PCSK5: variants seen among roughly 807,000 people sequenced by gnomAD.
The protein encoded by PCSK5 is proprotein convertase subtilisin/kexin type 5.
A neutral mutation model predicts 233.2 loss-of-function variants in PCSK5; 129 were observed. That is an observed-to-expected ratio of 0.55 (90% CI 0.48 to 0.64). PCSK5 has a LOEUF of 0.64. Among genes scored for constraint, PCSK5 ranks in the 30% least tolerant of loss-of-function variants. PCSK5 has a pLI of 0.00. For synonymous variants in PCSK5, 825 were observed against 879.2 expected (o/e 0.94, Z 1.09); for missense variants, 2,076 against 2,430.1 (o/e 0.85, Z 3.06).
At chr9:76,328,877 C>T (rs1004927412) in intron 33 of PCSK5, among the ~76,000 whole-genome samples, 2 of 151,460 alleles carry the variant, frequency 1.3e-5, no homozygotes, top group East Asian at 1.9e-4. Context: ...GGTATGATCT[C>T]GGCTCACTGC....
intron 24 of PCSK5, among the ~76,000 whole-genome samples, chr9:76,255,112 C>A (rs970947693): frequency 6.6e-6 from 1 of 151,998 alleles, no homozygotes; most frequent in Non-Finnish European, 1.5e-5. Flanking sequence ...CATGGTGAAA[C>A]CCCATCTCTA....
intron 10 of PCSK5, among the ~76,000 whole-genome samples, chr9:76,142,963 A>C (rs1193799109): frequency 6.6e-6 from 1 of 152,198 alleles, no homozygotes; most frequent in Non-Finnish European, 1.5e-5. Context: ...CTTGGATTTC[A>C]ATAAACAATA....
intron 2 of PCSK5, among the ~76,000 whole-genome samples, chr9:75,942,882 C>CTTTTTT (rs35508069): frequency 3.6e-4 from 41 of 112,930 alleles, no homozygotes; most frequent in South Asian, 5.8e-4. Flanking sequence ...TTTTCTTCTT[C>CTTTTTT]TTCTTTTTTT....
chr9:76,205,905 A>G (rs570532189), intron 20 of PCSK5, among the ~76,000 whole-genome samples: 2 of 152,276 alleles, frequency 1.3e-5, no homozygotes, highest in East Asian at 3.9e-4. Flanking sequence ...CAAGTTTGGA[A>G]ATATGCTTGC....
At chr9:76,289,469 C>CCACACACACACA (rs201456283) in intron 24 of PCSK5, among the ~76,000 whole-genome samples, 1 of 129,862 alleles carries the variant, frequency 7.7e-6, no homozygotes, top group African/African-American at 3.1e-5. Flanking sequence ...ATTCCCCTCA[C>CCACACACACACA]CACACACACA....
At chr9:76,008,795 G>A (rs538337315) in intron 3 of PCSK5, among the ~76,000 whole-genome samples, 18 of 152,280 alleles carry the variant, frequency 1.2e-4, no homozygotes, top group African/African-American at 3.9e-4. Context: ...AAAGAAAGAT[G>A]CAGTTAATTA....
Position 76,179,645 on chromosome 9 carries a change from A to G in PCSK5, c.1950A>G (p.Pro650=), listed in dbSNP as rs1362928136. Residue 650 remains proline (P), a synonymous_variant, in exon 15 of 38, where the codon CCA becomes CCG. Transcript: ENST00000674117. ...CSEVGCDGPG[P]DHCNDCLHYY... ...AGGTTGGCTGTGACGGGCCAGGACC[A>G]GACCACTGCAATGACTGTTTGCACT... 1 of 1,613,990 alleles carries G rather than the reference A, an allele frequency of 6.2e-7. No homozygotes were observed. The highest frequency in any genetic ancestry group is 8.5e-7 in the Non-Finnish European group (1 of 1,179,858).
At position 76,358,627 on chromosome 9, in the gene PCSK5, T is replaced by C. The variant is rs748957025; in HGVS notation, c.5369T>C (p.Val1790Ala). Residue 1790 changes from valine to alanine, a missense_variant, in exon 38 of 38, where the codon GTG (valine) becomes GCG (alanine). Around this residue, in one of 6 missense-constraint regions of PCSK5, gnomAD observed 1,510 missense variants for 1,538.1 expected, o/e 0.98. Transcript: ENST00000674117. ...CTTCTGCTCGGGGCAGCTGTGGTAGTGTGGAAGAAATCTCGTGGCCGAGTC... is the reference window on the plus strand; with the variant it reads ...CTTCTGCTCGGGGCAGCTGTGGTAGCGTGGAAGAAATCTCGTGGCCGAGTC... ...LVLLLGAAVV[V>A]WKKSRGRVQP... The C allele has an allele frequency of 1.1e-5, 18 of 1,612,780 alleles. No individual in the cohort carries two copies. In the African/African-American group the frequency reaches 2.1e-4, roughly 19 times the overall value.
chr9:75,901,986 C>A (rs1296593365), intron 1 of PCSK5, among the ~76,000 whole-genome samples: 1 of 151,918 alleles, frequency 6.6e-6, no homozygotes, highest in African/African-American at 2.4e-5. Context: ...GAGGCCAAGG[C>A]GGGCAGATTA....
intron 2 of PCSK5, among the ~76,000 whole-genome samples, chr9:75,948,575 G>A (rs924758135): frequency 6.6e-6 from 1 of 152,016 alleles, no homozygotes; most frequent in African/African-American, 2.4e-5. Context: ...GGACATTTGG[G>A]TTGGTTCCAA....
chr9:75,964,506 A>G (rs1211883229), intron 2 of PCSK5, among the ~76,000 whole-genome samples: 1 of 152,194 alleles, frequency 6.6e-6, no homozygotes, highest in Non-Finnish European at 1.5e-5. Context: ...CACAGTTGAA[A>G]AAAACATGCC....
At chr9:76,069,996 ATTT>A (rs146321207) in intron 6 of PCSK5, among the ~76,000 whole-genome samples, 271 of 122,556 alleles carry the variant, frequency 2.2e-3, no homozygotes, top group African/African-American at 4.3e-3. Context: ...TTCCATTCCA[ATTT>A]TTTTTTTTTT....
chr9:76,323,470 G>A (rs973325425), intron 32 of PCSK5, among the ~76,000 whole-genome samples, 182 bp downstream of exon 32: 12 of 152,024 alleles, frequency 7.9e-5, no homozygotes, highest in African/African-American at 1.9e-4. Context: ...TGAAGCCTCC[G>A]CCTCCTGGGC....
At chr9:76,084,639 G>T (rs1830988541) in intron 7 of PCSK5, among the ~76,000 whole-genome samples, 1 of 152,196 alleles carries the variant, frequency 6.6e-6, no homozygotes, top group Non-Finnish European at 1.5e-5. Context: ...GTTAAGGGAA[G>T]ATTCAAAATC....
intron 12 of PCSK5, among the ~76,000 whole-genome samples, chr9:76,160,217 CT>C (rs1822793677): frequency 1.3e-5 from 2 of 152,172 alleles, no homozygotes; most frequent in Admixed American, 6.5e-5. Flanking sequence ...ATATAAGTAA[CT>C]GTATTTTGTA....
chr9:76,178,505 G>T (rs11144781), intron 14 of PCSK5, among the ~76,000 whole-genome samples: 5,765 of 152,196 alleles, frequency 0.038, 142 homozygotes, highest in African/African-American at 0.066. Flanking sequence ...TAAAATGAGG[G>T]TATTTGACTA....
chr9:76,351,533 G>GAAGGAAAGAAAGA (rs1830157716), intron 36 of PCSK5, among the ~76,000 whole-genome samples: 3 of 15,822 alleles, frequency 1.9e-4, no homozygotes, highest in African/African-American at 3.1e-4. Flanking sequence ...AGAAAGAAAG[G>GAAGGAAAGAAAGA]AAGGAAAGAA....
At chr9:75,994,225 T>C (rs1826896940) in intron 3 of PCSK5, among the ~76,000 whole-genome samples, 1 of 151,968 alleles carries the variant, frequency 6.6e-6, no homozygotes, top group Non-Finnish European at 1.5e-5. Flanking sequence ...TCCTTGACTC[T>C]ACCCTTAAAG....
intron 2 of PCSK5, among the ~76,000 whole-genome samples, chr9:75,984,387 C>T (rs1826410837): frequency 6.6e-6 from 1 of 152,144 alleles, no homozygotes; most frequent in Admixed American, 6.5e-5. Flanking sequence ...TTTATGCACA[C>T]ATATAGGTTG....
Sources: allele counts gnomAD v4.1 joint callset (sites outside exome capture counted in the v4.1 genomes callset), GRCh38; gene constraint gnomAD v4.1.1; regional missense constraint gnomAD v4.1.1; transcripts MANE v1.5; gene names NCBI Gene and HGNC (gene_info 2026-07-23, HGNC 2026-07-21).